Variants in CLASP2 observed in about 807,000 individuals in gnomAD.
The protein encoded by CLASP2 is cytoplasmic linker associated protein 2.
Under a neutral mutation model 194.4 loss-of-function variants are expected in CLASP2, and 47 were observed. The observed-to-expected ratio is 0.24, with a 90% confidence interval of 0.19 to 0.31. The LOEUF (loss-of-function observed/expected upper bound fraction) is 0.31. Ranked by LOEUF, CLASP2 falls within the 10% of genes least tolerant of loss-of-function variation. CLASP2 has a pLI of 1.00. For missense variants in CLASP2, 1,445 were observed against 1,823.6 expected (o/e 0.79, Z 3.78); for synonymous variants, 619 against 633.5 (o/e 0.98, Z 0.34).
chr3:33,560,148 CA>C (rs1180090136), intron 28 of CLASP2, among the ~76,000 whole-genome samples: 2 of 151,912 alleles, frequency 1.3e-5, no homozygotes, highest in Non-Finnish European at 2.9e-5. Flanking sequence ...TATTTAAATG[CA>C]TAATAAAACG....
intron 2 of CLASP2, 137 bp from the exon 3 acceptor site, chr3:33,690,069 A>C: frequency 2.0e-6 from 1 of 510,812 alleles, no homozygotes; most frequent in Non-Finnish European, 3.3e-6. Flanking sequence ...TAAGTTCTTT[A>C]CACATGAATC....
chr3:33,712,368 G>C (rs2093055518), intron 1 of CLASP2, among the ~76,000 whole-genome samples: 1 of 152,080 alleles, frequency 6.6e-6, no homozygotes, highest in African/African-American at 2.4e-5. Flanking sequence ...GGTTGGGAGA[G>C]GGTTGAGGGA....
chr3:33,599,796 G>T (rs1424767573), intron 18 of CLASP2, among the ~76,000 whole-genome samples: 1 of 152,142 alleles, frequency 6.6e-6, no homozygotes, highest in Admixed American at 6.5e-5. Context: ...GGGAAGGAGG[G>T]TAAGAAGGAG....
chr3:33,693,238 T>C (rs1010429700), intron 2 of CLASP2, among the ~76,000 whole-genome samples: 1 of 152,138 alleles, frequency 6.6e-6, no homozygotes, highest in South Asian at 2.1e-4. Flanking sequence ...TTTGGAACTG[T>C]ATCTAAAACC....
chr3:33,529,045 T>C (rs982570298), intron 34 of CLASP2, among the ~76,000 whole-genome samples: 7 of 151,032 alleles, frequency 4.6e-5, no homozygotes, highest in Admixed American at 2.0e-4. Flanking sequence ...AAACCAAGAG[T>C]CAAATCAGAA....
At chr3:33,574,318 ATCTC>A (rs367731795) in intron 24 of CLASP2, among the ~76,000 whole-genome samples, 2 of 152,280 alleles carry the variant, frequency 1.3e-5, no homozygotes, top group East Asian at 3.9e-4. Context: ...TTCAAGCAGT[ATCTC>A]TCTCGATAAC....
At chr3:33,543,624 G>A in intron 31 of CLASP2, 85 bp from the exon 32 acceptor site, 2 of 792,564 alleles carry the variant, frequency 2.5e-6, no homozygotes, top group Non-Finnish European at 4.4e-6. Flanking sequence ...CAAACATTAG[G>A]TTGAACCATA....
chr3:33,597,277 T>C (rs1421583087), intron 18 of CLASP2, among the ~76,000 whole-genome samples: 8 of 152,120 alleles, frequency 5.3e-5, no homozygotes, highest in African/African-American at 1.7e-4. Flanking sequence ...ATAGAGAAAA[T>C]TACACAACCA....
intron 9 of CLASP2, among the ~76,000 whole-genome samples, chr3:33,631,338 C>T (rs2079045227): frequency 6.6e-6 from 1 of 152,146 alleles, no homozygotes; most frequent in Non-Finnish European, 1.5e-5. Flanking sequence ...CTATGAAATT[C>T]TACTCCTATG....
chr3:33,653,703 G>A (rs960120182), intron 7 of CLASP2, among the ~76,000 whole-genome samples: 1 of 152,076 alleles, frequency 6.6e-6, no homozygotes, highest in African/African-American at 2.4e-5. Context: ...CAGCAGGATA[G>A]CAGGGCTGGG....
intron 21 of CLASP2, among the ~76,000 whole-genome samples, chr3:33,586,144 T>C (rs1273186207): frequency 1.3e-5 from 2 of 151,954 alleles, no homozygotes; most frequent in Admixed American, 6.6e-5. Flanking sequence ...CTTTTCTTTT[T>C]TCCCCCCCGA....
At chr3:33,516,243 G>T in intron 35 of CLASP2, 92 bp from the exon 36 acceptor site, 1 of 1,227,464 alleles carries the variant, frequency 8.1e-7, no homozygotes, top group South Asian at 1.7e-5. Flanking sequence ...CTTAATATTG[G>T]GGGAGGAGTT....
chr3:33,561,609 T>C (rs765886139), intron 27 of CLASP2, among the ~76,000 whole-genome samples: 1 of 152,228 alleles, frequency 6.6e-6, no homozygotes, highest in Non-Finnish European at 1.5e-5. Flanking sequence ...GATGGCATAC[T>C]ATTAGTCTCC....
At chr3:33,516,915 T>C (rs1357541) in intron 35 of CLASP2, 66 bp downstream of exon 35, 561,199 of 1,327,660 alleles carry the variant, frequency 0.42, 121,281 homozygotes, top group Admixed American at 0.6. Flanking sequence ...CGTGTAGCAT[T>C]AGATTAACAG....
Position 33,561,194 on chromosome 3 carries a change from T to C in CLASP2, c.2767-223A>G, listed in dbSNP as rs114024718. ...AGAAGTTCGACAATTAGCTACTCCATGCAGCATCACTTGGTAAAGAAAGTT... is the reference window on the plus strand; with the variant it reads ...AGAAGTTCGACAATTAGCTACTCCACGCAGCATCACTTGGTAAAGAAAGTT... On this transcript the variant is annotated intron_variant, in intron 27 of 38. Transcript: ENST00000682230. Among the ~76,000 whole-genome samples the C allele has an allele frequency of 4.7e-3, 719 of 152,302 alleles. 4 individuals carry two copies. Among genetic ancestry groups the C allele is most frequent in the Admixed American group, 9.6e-3 (147 of 15,296 alleles).
At chr3:33,572,956 A>G (rs900900866) in intron 25 of CLASP2, among the ~76,000 whole-genome samples, 154 bp downstream of exon 25, 2 of 151,358 alleles carry the variant, frequency 1.3e-5, no homozygotes, top group Non-Finnish European at 2.9e-5. Flanking sequence ...GATGGTCCTA[A>G]AAGACTGAAG....
chr3:33,612,083 GTT>G lies in CLASP2; in HGVS notation c.1318-14_1318-13del. ...GGTACATGAGTATGCTGAAAAAGATGTTTTAGAAAAGGTTGAAAATACTACAC... is the reference window on the plus strand; with the variant it reads ...GGTACATGAGTATGCTGAAAAAGATGTTAGAAAAGGTTGAAAATACTACAC... On this transcript the variant is annotated splice_polypyrimidine_tract_variant and intron_variant, in intron 12 of 38. Coordinates refer to ENST00000682230, the MANE Select transcript of CLASP2 (RefSeq NM_001365631.1). 1 of 1,576,978 alleles carries G rather than the reference GTT, an allele frequency of 6.3e-7. No individual in the cohort carries two copies. The highest frequency in any genetic ancestry group is 8.7e-7 in the Non-Finnish European group (1 of 1,150,214).
intron 12 of CLASP2, among the ~76,000 whole-genome samples, chr3:33,617,872 G>T (rs1372810942): frequency 6.7e-6 from 1 of 150,138 alleles, no homozygotes; most frequent in East Asian, 1.9e-4. Context: ...CAAAGGAATG[G>T]AGAAAAAGGA....
At chr3:33,525,005 C>T (rs1006355657) in intron 34 of CLASP2, among the ~76,000 whole-genome samples, 5 of 152,070 alleles carry the variant, frequency 3.3e-5, no homozygotes, top group African/African-American at 4.8e-5. Flanking sequence ...GGACATTTTC[C>T]AATATAGGTT....
Sources: gnomAD v4.1 joint callset for allele counts (sites outside exome capture counted in the v4.1 genomes callset) on GRCh38, gnomAD v4.1.1 for gene constraint, MANE v1.5 for transcripts, NCBI Gene and HGNC (gene_info 2026-07-23, HGNC 2026-07-21) for gene names.